Variants in NBEA observed in about 807,000 individuals in gnomAD.
NBEA encodes the protein lysosomal-trafficking regulator 2.
A neutral mutation model predicts 343.4 loss-of-function variants in NBEA; 44 were observed. That is an observed-to-expected ratio of 0.13 (90% CI 0.10 to 0.16). The LOEUF is 0.16. Among genes scored for constraint, NBEA ranks in the 10% least tolerant of loss-of-function variants. NBEA has a pLI of 1.00. For synonymous variants in NBEA, 1,175 were observed against 1,238.7 expected, an observed-to-expected ratio of 0.95 and a Z score of 1.08; for missense variants, 2,555 against 3,631.3, an observed-to-expected ratio of 0.70 and a Z score of 7.62.
chr13:35,275,907 G>A (rs1333867805), intron 34 of NBEA, among the ~76,000 whole-genome samples: 2 of 151,942 alleles, frequency 1.3e-5, no homozygotes, highest in African/African-American at 2.4e-5. Context: ...TGTAAATGAC[G>A]GGTTGATGGG....
intron 45 of NBEA, among the ~76,000 whole-genome samples, chr13:35,572,335 A>G (rs1455549155): frequency 6.6e-6 from 1 of 152,166 alleles, no homozygotes; most frequent in Non-Finnish European, 1.5e-5. Context: ...GAATTTTCCT[A>G]TTTCCCAGTC....
chr13:35,452,850 C>T (rs1425187562), intron 40 of NBEA, among the ~76,000 whole-genome samples: 1 of 152,096 alleles, frequency 6.6e-6, no homozygotes, highest in African/African-American at 2.4e-5. Context: ...GGGTTTTAAG[C>T]CACTTTGAGA....
chr13:35,557,629 AC>A (rs1358822409), intron 44 of NBEA, among the ~76,000 whole-genome samples: 1 of 152,122 alleles, frequency 6.6e-6, no homozygotes, highest in Non-Finnish European at 1.5e-5. Context: ...AATTATTATG[AC>A]TAAACATGAA....
intron 36 of NBEA, among the ~76,000 whole-genome samples, chr13:35,335,656 A>G (rs9600529): frequency 0.023 from 3,481 of 152,214 alleles, 140 homozygotes; most frequent in African/African-American, 0.08. Flanking sequence ...CGTAAGTCAG[A>G]AAACATCTGT....
intron 17 of NBEA, among the ~76,000 whole-genome samples, chr13:35,131,373 G>A (rs1402979283): frequency 1.3e-5 from 2 of 152,070 alleles, no homozygotes; most frequent in Non-Finnish European, 2.9e-5. Flanking sequence ...TAACCAAATT[G>A]AGGGTAGTCA....
At chr13:35,436,665 G>A (rs537753926) in intron 39 of NBEA, among the ~76,000 whole-genome samples, 3 of 148,986 alleles carry the variant, frequency 2.0e-5, no homozygotes, top group South Asian at 2.1e-4. Context: ...AGCCTAGATC[G>A]CGCCAATGCA....
intron 48 of NBEA, among the ~76,000 whole-genome samples, chr13:35,613,984 C>G (rs1421337804): frequency 2.0e-5 from 3 of 152,160 alleles, no homozygotes; most frequent in Admixed American, 2.0e-4. Flanking sequence ...CGTAGTTGTT[C>G]CCCTTTTCTC....
chr13:35,645,932 G>A lies in NBEA; in HGVS notation c.7680+1G>A, dbSNP rs1175283078. ...CCTTCTTACAAAGGACTTTATTAAG[G>A]TATATGTTCTGTATTTAGTGTGGAA... On this transcript the variant is annotated splice_donor_variant, in intron 50 of 58. Coordinates refer to ENST00000379939, the MANE Select transcript of NBEA (RefSeq NM_001385012.1). LOFTEE classifies it high-confidence loss of function. The A allele has an allele frequency of 2.6e-6, 4 of 1,544,336 alleles. No individual in the cohort carries two copies. The highest frequency in any genetic ancestry group is 3.5e-6 in the Non-Finnish European group (4 of 1,134,266).
At chr13:35,446,567 A>G (rs758844832) in intron 39 of NBEA, among the ~76,000 whole-genome samples, 51 of 152,180 alleles carry the variant, frequency 3.4e-4, no homozygotes, top group Non-Finnish European at 5.7e-4. Context: ...GATTTTATGT[A>G]AAAGAAATTA....
intron 34 of NBEA, among the ~76,000 whole-genome samples, chr13:35,233,062 C>G (rs772839303): frequency 8.5e-5 from 13 of 152,048 alleles, no homozygotes; most frequent in South Asian, 2.1e-4. Context: ...AAATACTTAA[C>G]AAAGAATTGA....
chr13:35,045,359 C>T lies in NBEA; in HGVS notation c.681C>T (p.His227=), dbSNP rs535200567. 3.5e-5 allele frequency: 56 copies of T among 1,612,442 alleles called. No individual in the cohort carries two copies. Among genetic ancestry groups the T allele is most frequent in the Middle Eastern group, 1.7e-4 (1 of 6,060 alleles). Residue 227 remains histidine (H), a synonymous_variant, in exon 4 of 59, where the codon CAC becomes CAT. Transcript: ENST00000379939. ...TTCTTAATCAGATGCCACAGAGACA[C>T]GGTCCTGATACTTTTTTCAATTTCC... The part of the protein sequence containing the change: ...LSVLNQMPQR[H]GPDTFFNFPG...
chr13:35,442,941 A>G (rs1438107638), intron 39 of NBEA, among the ~76,000 whole-genome samples: 2 of 152,152 alleles, frequency 1.3e-5, no homozygotes, highest in African/African-American at 4.8e-5. Flanking sequence ...TGAAATGAAA[A>G]TCACGTTAGT....
chr13:35,314,094 G>T (rs937527921), intron 36 of NBEA, among the ~76,000 whole-genome samples: 4 of 152,096 alleles, frequency 2.6e-5, no homozygotes, highest in African/African-American at 4.8e-5. Context: ...CTGAGAAAGG[G>T]TGAAGACAAT....
At chr13:34,983,070 G>A (rs776753542) in intron 1 of NBEA, among the ~76,000 whole-genome samples, 1 of 152,012 alleles carries the variant, frequency 6.6e-6, no homozygotes, top group Non-Finnish European at 1.5e-5. Context: ...TGTGCACAAC[G>A]TGCAGGTTTG....
At chr13:35,604,740 C>T (rs1278047149) in intron 47 of NBEA, among the ~76,000 whole-genome samples, 1 of 152,080 alleles carries the variant, frequency 6.6e-6, no homozygotes, top group Non-Finnish European at 1.5e-5. Flanking sequence ...TCTTGATCTA[C>T]CCACAATATA....
intron 53 of NBEA, among the ~76,000 whole-genome samples, chr13:35,653,115 A>G (rs1194573946): frequency 2.0e-5 from 3 of 152,188 alleles, no homozygotes; most frequent in Non-Finnish European, 4.4e-5. Context: ...ATATTTTTAA[A>G]TAATCGTGTA....
intron 48 of NBEA, among the ~76,000 whole-genome samples, chr13:35,609,769 T>G (rs965714417): frequency 1.3e-5 from 2 of 152,198 alleles, no homozygotes; most frequent in African/African-American, 4.8e-5. Flanking sequence ...CAGGAGTAAC[T>G]AAGTATTTAA....
At chr13:35,249,593 A>C (rs2031705020) in intron 34 of NBEA, among the ~76,000 whole-genome samples, 1 of 152,212 alleles carries the variant, frequency 6.6e-6, no homozygotes, top group Non-Finnish European at 1.5e-5. Context: ...TGACAAGGAT[A>C]TGGAGAAGTT....
intron 41 of NBEA, among the ~76,000 whole-genome samples, chr13:35,500,570 T>C (rs181956005): frequency 6.6e-6 from 1 of 152,056 alleles, no homozygotes; most frequent in Admixed American, 6.6e-5. Flanking sequence ...TTTTGCCTAC[T>C]CTTTTCTCTT....
Sources: allele counts gnomAD v4.1 joint callset (sites outside exome capture counted in the v4.1 genomes callset), GRCh38; gene constraint gnomAD v4.1.1; transcripts MANE v1.5; gene names NCBI Gene and HGNC (gene_info 2026-07-23, HGNC 2026-07-21).